NAV1: variants seen among roughly 807,000 people sequenced by gnomAD.
The protein encoded by NAV1 is pore membrane and/or filament interacting like protein 3.
Under a neutral mutation model 175.2 loss-of-function variants are expected in NAV1, and 18 were observed. The observed-to-expected ratio is 0.10, with a 90% CI of 0.07 to 0.15. The LOEUF (loss-of-function observed/expected upper bound fraction) is 0.15, where lower values mean the gene tolerates loss of function less well. Among genes scored for constraint, NAV1 ranks in the 10% least tolerant of loss-of-function variants. The pLI is 1.00. For synonymous variants in NAV1, 897 were observed against 978.7 expected (o/e 0.92, Z 1.56); for missense variants, 1,731 against 2,436.6 (o/e 0.71, Z 6.10).
chr1:201,738,830 T>C (rs1673228092), intron 3 of NAV1, among the ~76,000 whole-genome samples: 1 of 152,196 alleles, frequency 6.6e-6, no homozygotes, highest in Admixed American at 6.5e-5. Flanking sequence ...AATGCTACTG[T>C]TGTTTTTGTC....
chr1:201,648,544 C>T, exon 1 of NAV1: 2 of 1,247,046 alleles, frequency 1.6e-6, no homozygotes, highest in African/African-American at 1.6e-5. Flanking sequence ...CCTTCTTCCT[C>T]GGTTTCTTCC....
At chr1:201,560,918 G>A (rs541387728) in intron 1 of NAV1, among the ~76,000 whole-genome samples, 4 of 152,320 alleles carry the variant, frequency 2.6e-5, no homozygotes, top group African/African-American at 9.6e-5. Flanking sequence ...GTGGGCTCAG[G>A]GAACATAGTC....
chr1:201,568,791 C>T (rs374552778), intron 1 of NAV1, among the ~76,000 whole-genome samples: 6 of 152,180 alleles, frequency 3.9e-5, no homozygotes, highest in Admixed American at 3.9e-4. Flanking sequence ...AAGGGTCTCT[C>T]GGTCTTCAGG....
At chr1:201,540,753 A>G (rs1029355596) in intron 1 of NAV1, among the ~76,000 whole-genome samples, 1 of 152,212 alleles carries the variant, frequency 6.6e-6, no homozygotes, top group African/African-American at 2.4e-5. Flanking sequence ...TGCTTTCACC[A>G]TCAGTTTTTA....
At chr1:201,738,833 T>C (rs1423864978) in intron 3 of NAV1, among the ~76,000 whole-genome samples, 1 of 152,168 alleles carries the variant, frequency 6.6e-6, no homozygotes, top group Non-Finnish European at 1.5e-5. Flanking sequence ...GCTACTGTTG[T>C]TTTTGTCGCT....
intron 1 of NAV1, among the ~76,000 whole-genome samples, chr1:201,660,645 A>G (rs1230310623): frequency 1.3e-5 from 2 of 152,232 alleles, no homozygotes; most frequent in African/African-American, 4.8e-5. Context: ...GACATGTCTG[A>G]GTCACTGGAA....
chr1:201,635,473 G>A (rs987692018), intron 2 of NAV1, among the ~76,000 whole-genome samples: 2 of 152,194 alleles, frequency 1.3e-5, no homozygotes, highest in African/African-American at 2.4e-5. Context: ...GCCTAGAGCT[G>A]TGCAGTGTAC....
chr1:201,602,264 T>C (rs1198885740), intron 2 of NAV1, among the ~76,000 whole-genome samples: 1 of 152,242 alleles, frequency 6.6e-6, no homozygotes, highest in Admixed American at 6.5e-5. Flanking sequence ...AGAAAAAGAA[T>C]TGGACCCCAC....
Position 201,665,500 on chromosome 1 carries a change from C to A in NAV1, c.757+16075C>A, listed in dbSNP as rs529592115. On this transcript the variant is annotated intron_variant, in intron 1 of 29. Coordinates refer to ENST00000367296, the Ensembl canonical transcript of NAV1. ...CACAAGCACTAGCTCATGTAGGAAA[C>A]CACTAGATGCAGAATAATCTTTGAA... Among the ~76,000 whole-genome samples, 21 of 152,122 alleles carry A rather than the reference C, an allele frequency of 1.4e-4. No homozygotes were observed. In the South Asian group the frequency reaches 4.4e-3, roughly 32 times the overall value.
chr1:201,625,161 G>A (rs1041098091), intron 1 of NAV1, among the ~76,000 whole-genome samples: 3 of 152,082 alleles, frequency 2.0e-5, no homozygotes, highest in African/African-American at 7.2e-5. Flanking sequence ...ACGTTGCTGG[G>A]GGATCAAAAA....
chr1:201,739,990 C>A, intron 3 of NAV1: 1 of 1,450,458 alleles, frequency 6.9e-7, no homozygotes, highest in South Asian at 1.5e-5. Context: ...GCGCTGGGTG[C>A]CCACCCGGTG....
At chr1:201,704,423 G>A (rs1205430175) in intron 1 of NAV1, among the ~76,000 whole-genome samples, 1 of 152,220 alleles carries the variant, frequency 6.6e-6, no homozygotes, top group Non-Finnish European at 1.5e-5. Context: ...GAGCCTGGCG[G>A]GGGCTGGACT....
chr1:201,579,607 C>T (rs190803982), intron 1 of NAV1, among the ~76,000 whole-genome samples: 5 of 152,282 alleles, frequency 3.3e-5, no homozygotes, highest in Admixed American at 1.3e-4. Flanking sequence ...CCACCCACCT[C>T]GGCCTCTCAA....
At chr1:201,767,143 A>G (rs1400750813) in intron 3 of NAV1, among the ~76,000 whole-genome samples, 1 of 150,762 alleles carries the variant, frequency 6.6e-6, no homozygotes, top group East Asian at 2.0e-4. Context: ...TAAATGTTAT[A>G]GTAGAAACAT....
intron 3 of NAV1, among the ~76,000 whole-genome samples, chr1:201,752,833 G>A (rs528867272): frequency 6.6e-6 from 1 of 152,264 alleles, no homozygotes; most frequent in East Asian, 1.9e-4. Context: ...ATGGTGTGAG[G>A]AAACTGTTCT....
chr1:201,734,229 A>G (rs7549336), intron 3 of NAV1, among the ~76,000 whole-genome samples: 85,667 of 151,524 alleles, frequency 0.57, 24,498 homozygotes, highest in Admixed American at 0.67. Flanking sequence ...GCAACACAGC[A>G]AGACTCCTTC....
intron 1 of NAV1, among the ~76,000 whole-genome samples, chr1:201,676,977 C>T (rs997175118): frequency 1.3e-5 from 2 of 152,032 alleles, no homozygotes; most frequent in East Asian, 1.9e-4. Flanking sequence ...TCTGGTTGGG[C>T]GCGGTGGCTC....
At position 201,810,511 on chromosome 1, in the gene NAV1, G is replaced by C; in HGVS notation, c.4562-12G>C. ...CTGGTCAATACTCATGCTTTCTGGG[G>C]TGGGGGTTCAGGTCTGAAGGAGAAA... On this transcript the variant is annotated splice_polypyrimidine_tract_variant and intron_variant, in intron 23 of 29. Transcript: ENST00000367296. The surrounding 1 kb of genome is among the most constrained non-coding windows in gnomAD (Gnocchi z 6.0). 2 of 1,600,070 alleles carry C rather than the reference G, an allele frequency of 1.2e-6. No homozygotes were observed. The highest frequency in any genetic ancestry group is 1.7e-6 in the Non-Finnish European group (2 of 1,173,236).
chr1:201,658,694 A>G (rs973889607), intron 1 of NAV1, among the ~76,000 whole-genome samples: 10 of 152,176 alleles, frequency 6.6e-5, no homozygotes, highest in Non-Finnish European at 1.2e-4. Context: ...TTCGTCCCCA[A>G]AGGATCCCCA....
Sources: gnomAD v4.1 joint callset for allele counts (sites outside exome capture counted in the v4.1 genomes callset) on GRCh38, gnomAD v4.1.1 for gene constraint, Gnocchi (gnomAD v3.1) non-coding constraint, MANE v1.5 for transcripts, NCBI Gene and HGNC (gene_info 2026-07-23, HGNC 2026-07-21) for gene names.